EYA4: variants seen among roughly 807,000 people sequenced by gnomAD.
The protein encoded by EYA4 is EYA transcriptional coactivator and phosphatase 4, also known as protein phosphatase EYA4.
In EYA4, 31 loss-of-function variants were observed where a neutral mutation model predicts 87.9. The observed-to-expected ratio is 0.35, with a 90% CI of 0.27 to 0.48. The LOEUF (loss-of-function observed/expected upper bound fraction) is 0.48. EYA4 is among the 20% of genes least tolerant of loss of function. The pLI is 0.99. For missense variants in EYA4, 678 were observed against 761.4 expected, an observed-to-expected ratio of 0.89 and a Z score of 1.29; for synonymous variants, 263 against 270.6, an observed-to-expected ratio of 0.97 and a Z score of 0.28.
intron 3 of EYA4, among the ~76,000 whole-genome samples, chr6:133,395,802 C>G (rs1245259549): frequency 6.6e-6 from 1 of 152,126 alleles, no homozygotes; most frequent in Non-Finnish European, 1.5e-5. Flanking sequence ...TTTGCTCTAA[C>G]AAGTAGAGTA....
intron 2 of EYA4, among the ~76,000 whole-genome samples, chr6:133,275,692 A>AT (rs1777109264): frequency 6.6e-6 from 1 of 152,008 alleles, no homozygotes; most frequent in Non-Finnish European, 1.5e-5. Flanking sequence ...GATGAGTTTA[A>AT]TTTTAAGAGG....
chr6:133,376,001 T>C (rs1334100531), intron 2 of EYA4, among the ~76,000 whole-genome samples: 6 of 151,858 alleles, frequency 4.0e-5, no homozygotes, highest in Non-Finnish European at 8.8e-5. Context: ...CTACAGTTTT[T>C]TGAAATAAAT....
upstream of EYA4, chr6:133,241,269 G>C (rs1315697813): frequency 6.6e-6 from 1 of 152,040 alleles, no homozygotes; most frequent in Non-Finnish European, 1.5e-5. Flanking sequence ...GCAGTAGCCG[G>C]TGGCGACGTC....
intron 3 of EYA4, among the ~76,000 whole-genome samples, chr6:133,411,526 C>CAT (rs1467078361): frequency 1.3e-5 from 2 of 151,858 alleles, no homozygotes; most frequent in African/African-American, 4.8e-5. Context: ...TTTAATTTTC[C>CAT]ATATATGTGT....
intron 2 of EYA4, among the ~76,000 whole-genome samples, chr6:133,276,373 T>G (rs1777164208): frequency 1.3e-5 from 2 of 152,210 alleles, no homozygotes; most frequent in Admixed American, 6.5e-5. Flanking sequence ...GTTGATTCTG[T>G]TAATTACTAT....
intron 2 of EYA4, among the ~76,000 whole-genome samples, chr6:133,356,158 A>C (rs1185120035): frequency 6.6e-6 from 1 of 152,108 alleles, no homozygotes; most frequent in African/African-American, 2.4e-5. Flanking sequence ...CCTGCTCCTC[A>C]TGACGTCATA....
chr6:133,507,397 C>G (rs963727003), intron 14 of EYA4: 3 of 151,074 alleles, frequency 2.0e-5, no homozygotes, highest in African/African-American at 7.3e-5. Flanking sequence ...TTTTAATGCT[C>G]TAAGTTCTGG....
intron 2 of EYA4, among the ~76,000 whole-genome samples, chr6:133,290,068 A>G (rs978905861): frequency 1.3e-5 from 2 of 152,170 alleles, no homozygotes; most frequent in African/African-American, 4.8e-5. Context: ...GCTAACACTT[A>G]TGTAATGCTC....
intron 3 of EYA4, among the ~76,000 whole-genome samples, chr6:133,445,019 G>T (rs1474813942): frequency 6.6e-6 from 1 of 152,026 alleles, no homozygotes; most frequent in Non-Finnish European, 1.5e-5. Flanking sequence ...TTCTTTGTTT[G>T]CTTCCCTTTT....
chr6:133,324,748 C>A (rs1425453321), intron 2 of EYA4, among the ~76,000 whole-genome samples: 3 of 151,910 alleles, frequency 2.0e-5, no homozygotes, highest in Non-Finnish European at 4.4e-5. Context: ...GTTGCATGAA[C>A]TTCATCGAGT....
intron 2 of EYA4, among the ~76,000 whole-genome samples, chr6:133,303,728 A>G (rs1053073309): frequency 2.0e-5 from 3 of 152,236 alleles, no homozygotes; most frequent in Admixed American, 6.5e-5. Context: ...CTCTGTAATA[A>G]AAATCACAAA....
chr6:133,246,410 G>C (rs1172386341), intron 1 of EYA4, among the ~76,000 whole-genome samples: 1 of 151,778 alleles, frequency 6.6e-6, no homozygotes, highest in Non-Finnish European at 1.5e-5. Flanking sequence ...GACAGTAGGA[G>C]AAAGACCTAT....
intron 11 of EYA4, among the ~76,000 whole-genome samples, chr6:133,472,826 T>C (rs2128685603): frequency 7.3e-6 from 1 of 136,276 alleles, no homozygotes; most frequent in South Asian, 2.5e-4. Flanking sequence ...TCTTGTTGAA[T>C]TGATCCCTTT....
intron 13 of EYA4, among the ~76,000 whole-genome samples, chr6:133,505,193 G>A (rs1798488578): frequency 6.6e-6 from 1 of 152,134 alleles, no homozygotes; most frequent in Non-Finnish European, 1.5e-5. Context: ...TAAACACAAT[G>A]TTTGAGCATG....
intron 3 of EYA4, among the ~76,000 whole-genome samples, chr6:133,416,267 T>A (rs1175380983): frequency 6.6e-6 from 1 of 152,004 alleles, no homozygotes; most frequent in Non-Finnish European, 1.5e-5. Flanking sequence ...CAGGGAGGAG[T>A]TAAAATGCAG....
intron 5 of EYA4, among the ~76,000 whole-genome samples, chr6:133,451,504 A>G (rs1793440626): frequency 6.6e-6 from 1 of 152,218 alleles, no homozygotes; most frequent in Admixed American, 6.5e-5. Context: ...ACTTAGATCT[A>G]TTGGGAGGGC....
At chr6:133,240,974 G>C (rs1490208784), upstream of EYA4, 1 of 152,072 alleles carries the variant, frequency 6.6e-6, no homozygotes, top group African/African-American at 2.4e-5. Flanking sequence ...GGCCCAGGGA[G>C]GAGAGCGCGG....
chr6:133,305,924 T>C (rs1025704001), intron 2 of EYA4, among the ~76,000 whole-genome samples: 5 of 152,238 alleles, frequency 3.3e-5, no homozygotes, highest in Non-Finnish European at 7.3e-5. Flanking sequence ...ATGTCTGTTA[T>C]ATTTCTGCCA....
rs530094891 is a variant in EYA4, at chr6:133,421,463, A to G, written c.84-25167A>G. Reference sequence around the variant, plus strand: ...CCACGATGTTTTGAATCTATTCCATATGCCTAAAATTTGGTGATGATATGT... The same window carrying G: ...CCACGATGTTTTGAATCTATTCCATGTGCCTAAAATTTGGTGATGATATGT... On this transcript the variant is annotated intron_variant, in intron 3 of 19. Transcript: ENST00000355286. Among the ~76,000 whole-genome samples the G allele has an allele frequency of 3.3e-5, 5 of 152,346 alleles. No homozygotes were observed. In the South Asian group the frequency reaches 1.0e-3, roughly 32 times the overall value.
Sources: gnomAD v4.1 joint callset for allele counts (sites outside exome capture counted in the v4.1 genomes callset) on GRCh38, gnomAD v4.1.1 for gene constraint, MANE v1.5 for transcripts, NCBI Gene and HGNC (gene_info 2026-07-23, HGNC 2026-07-21) for gene names.